Variants in IQGAP2 observed in about 807,000 individuals in gnomAD.
IQGAP2 encodes ras GTPase-activating-like protein IQGAP2.
IQGAP2 carries 173 observed loss-of-function variants against 201.3 expected under a neutral mutation model. The ratio of observed to expected loss-of-function variants is 0.86; its 90% CI spans 0.76 to 0.98. The LOEUF (loss-of-function observed/expected upper bound fraction) is 0.98. IQGAP2 is among the 50% of genes least tolerant of loss of function. The probability of loss-of-function intolerance (pLI) is 0.00; values close to 1 mark genes in which losing one functional copy is unlikely to be tolerated. For synonymous variants in IQGAP2, 675 were observed against 673.9 expected, an observed-to-expected ratio of 1.00 and a Z score of -0.03; for missense variants, 1,687 against 1,864.8, an observed-to-expected ratio of 0.90 and a Z score of 1.76.
At chr5:76,646,674 A>T (rs1752060820) in intron 17 of IQGAP2, among the ~76,000 whole-genome samples, 1 of 152,096 alleles carries the variant, frequency 6.6e-6, no homozygotes, top group Admixed American at 6.6e-5. Context: ...AGAATTCTAG[A>T]CTCATTCCTG....
rs749862045 is a variant in IQGAP2, at chr5:76,671,905, C to T, written c.2990C>T (p.Ser997Leu). The T allele has an allele frequency of 1.1e-5, 18 of 1,613,946 alleles. No individual in the cohort carries two copies. The highest frequency in any genetic ancestry group is 6.7e-5 in the Admixed American group (4 of 59,996). The change falls in exon 24 of 36, where the codon TCG becomes TTG. Residue 997 changes from serine (S) to leucine (L), a missense_variant. Physicochemically the swap from Ser to Leu is moderately radical, Grantham distance 145. Coordinates refer to ENST00000274364, the MANE Select transcript of IQGAP2 (RefSeq NM_006633.5). ...GTAAAAGAGATCATCGACGACAAGT[C>T]GCTGATTATCAACACAAACCCTGTA... Reference protein sequence around the residue: ...PVVKEIIDDKSLIINTNPVEV... With the variant: ...PVVKEIIDDKLLIINTNPVEV...
intron 2 of IQGAP2, among the ~76,000 whole-genome samples, chr5:76,533,907 C>A (rs887218764): frequency 2.0e-5 from 3 of 152,150 alleles, no homozygotes; most frequent in Non-Finnish European, 2.9e-5. Context: ...AATACGAACC[C>A]TTTGTTACAT....
chr5:76,516,486 C>G (rs1340953279), intron 2 of IQGAP2, among the ~76,000 whole-genome samples: 1 of 152,060 alleles, frequency 6.6e-6, no homozygotes, highest in East Asian at 1.9e-4. Flanking sequence ...ATATTTTTTT[C>G]AAGTTCATAC....
intron 13 of IQGAP2, chr5:76,618,443 C>T: frequency 6.2e-7 from 1 of 1,614,154 alleles, no homozygotes; most frequent in Non-Finnish European, 8.5e-7. Flanking sequence ...AGGAGCTGGT[C>T]AGGTACCCCA....
chr5:76,564,863 G>GAA (rs1744635874), intron 3 of IQGAP2, among the ~76,000 whole-genome samples: 3 of 152,224 alleles, frequency 2.0e-5, no homozygotes, highest in Admixed American at 2.0e-4. Context: ...GGTGCAGCAG[G>GAA]AGGGAGATCG....
chr5:76,680,758 C>G (rs1232343404), intron 28 of IQGAP2, among the ~76,000 whole-genome samples: 1 of 149,326 alleles, frequency 6.7e-6, no homozygotes, highest in South Asian at 2.1e-4. Context: ...GCCATTGTAC[C>G]CTAACCTGGG....
intron 13 of IQGAP2, chr5:76,623,142 C>T: frequency 6.2e-7 from 1 of 1,612,502 alleles, no homozygotes; most frequent in Admixed American, 1.7e-5. Flanking sequence ...ACATCCCCAT[C>T]CTACCCCCTG....
intron 29 of IQGAP2, 56 bp from the exon 30 acceptor site, chr5:76,683,720 G>T: frequency 1.3e-6 from 2 of 1,512,288 alleles, no homozygotes; most frequent in South Asian, 1.3e-5. Flanking sequence ...TACATTGTTG[G>T]TGCCATCATC....
intron 2 of IQGAP2, among the ~76,000 whole-genome samples, chr5:76,536,271 A>C (rs1268411335): frequency 6.6e-6 from 1 of 150,424 alleles, no homozygotes; most frequent in Non-Finnish European, 1.5e-5. Flanking sequence ...GGGTTTCATC[A>C]TGTTGGCCAG....
chr5:76,440,937 A>G (rs989311916), intron 1 of IQGAP2, among the ~76,000 whole-genome samples: 2 of 151,986 alleles, frequency 1.3e-5, no homozygotes, highest in Non-Finnish European at 2.9e-5. Context: ...AGGTTGAGGC[A>G]GGAGAATTGC....
At chr5:76,488,483 G>A (rs552978156) in intron 2 of IQGAP2, among the ~76,000 whole-genome samples, 5 of 152,218 alleles carry the variant, frequency 3.3e-5, no homozygotes, top group Admixed American at 6.5e-5. Flanking sequence ...AGTTCCCTGC[G>A]AAAGATTCTG....
chr5:76,459,928 C>T (rs182715991), intron 1 of IQGAP2, among the ~76,000 whole-genome samples: 3 of 152,228 alleles, frequency 2.0e-5, no homozygotes, highest in South Asian at 2.1e-4. Context: ...CGTGAGCCAC[C>T]GTGCCTGGCC....
intron 11 of IQGAP2, among the ~76,000 whole-genome samples, chr5:76,604,629 A>C (rs1009297127): frequency 6.6e-6 from 1 of 152,074 alleles, no homozygotes; most frequent in Admixed American, 6.6e-5. Context: ...TTGGGTCAGC[A>C]TTTAGACGTT....
chr5:76,412,235 C>G (rs1751166164), intron 1 of IQGAP2, among the ~76,000 whole-genome samples: 1 of 152,106 alleles, frequency 6.6e-6, no homozygotes, highest in Non-Finnish European at 1.5e-5. Context: ...TGGGATCTCC[C>G]AAAAAGAAGA....
chr5:76,449,754 T>C (rs992286183), intron 1 of IQGAP2, among the ~76,000 whole-genome samples: 3 of 152,184 alleles, frequency 2.0e-5, no homozygotes, highest in African/African-American at 7.2e-5. Flanking sequence ...ATTCTGAAAT[T>C]GTATTTAGTG....
At chr5:76,611,604 G>C (rs191917886) in intron 13 of IQGAP2, among the ~76,000 whole-genome samples, 1 of 152,272 alleles carries the variant, frequency 6.6e-6, no homozygotes, top group Non-Finnish European at 1.5e-5. Flanking sequence ...TTGTCACATG[G>C]AACAGTCAAG....
At chr5:76,449,366 T>C (rs1753592996) in intron 1 of IQGAP2, among the ~76,000 whole-genome samples, 1 of 152,188 alleles carries the variant, frequency 6.6e-6, no homozygotes, top group African/African-American at 2.4e-5. Flanking sequence ...TCTACTTTAA[T>C]GAGTTGGTAC....
chr5:76,652,318 C>T (rs753877958), intron 17 of IQGAP2, among the ~76,000 whole-genome samples: 4 of 152,178 alleles, frequency 2.6e-5, no homozygotes, highest in Non-Finnish European at 4.4e-5. Context: ...CCAGTCGGGG[C>T]CACAGTGGGC....
rs967276737 is a variant in IQGAP2, at chr5:76,624,124, T to A, written c.1522-3286T>A. 5.3e-5 allele frequency among the ~76,000 whole-genome samples: 8 copies of A among 152,274 alleles called. No homozygotes were observed. The South Asian group carries it at 1.0e-3, about 20-fold the overall frequency. On this transcript the variant is annotated intron_variant, in intron 13 of 35. Coordinates refer to ENST00000274364, the MANE Select transcript of IQGAP2 (RefSeq NM_006633.5). ...TAAGTCTACAATAAGATATTTTTAA[T>A]AGTGGTAAAATATACGTAACATAAA...
Sources: gnomAD v4.1 joint callset for allele counts (sites outside exome capture counted in the v4.1 genomes callset) on GRCh38, gnomAD v4.1.1 for gene constraint, MANE v1.5 for transcripts, NCBI Gene and HGNC (gene_info 2026-07-23, HGNC 2026-07-21) for gene names.